Variants in ABCB5 observed in about 807,000 individuals in gnomAD.
ABCB5 encodes the protein ATP binding cassette subfamily B member 5.
Under a neutral mutation model 144.2 loss-of-function variants are expected in ABCB5, and 155 were observed. That is an observed-to-expected ratio of 1.08 (90% confidence interval 0.94 to 1.23). ABCB5 has a LOEUF of 1.23. ABCB5 is among the 50% of genes most tolerant of loss of function. ABCB5 has a pLI of 0.00. For synonymous variants in ABCB5, 610 were observed against 528.6 expected (o/e 1.15, Z -2.11); for missense variants, 1,830 against 1,520.8 (o/e 1.20, Z -3.38).
intron 12 of ABCB5, among the ~76,000 whole-genome samples, chr7:20,651,095 G>GT (rs1583394632): frequency 6.6e-6 from 1 of 152,110 alleles, no homozygotes; most frequent in African/African-American, 2.4e-5. Context: ...CAAAACTGAA[G>GT]TTTTTTGTAT....
At chr7:20,715,791 C>T (rs1396426157) in intron 20 of ABCB5, among the ~76,000 whole-genome samples, 2 of 150,650 alleles carry the variant, frequency 1.3e-5, no homozygotes, top group Non-Finnish European at 2.9e-5. Context: ...AGTATCTCAT[C>T]TCACTGCAAC....
intron 1 of ABCB5, among the ~76,000 whole-genome samples, chr7:20,619,856 T>C (rs1454497889): frequency 6.6e-6 from 1 of 152,240 alleles, no homozygotes; most frequent in African/African-American, 2.4e-5. Context: ...TTTTTATCTA[T>C]GGTGAAATGT....
intron 3 of ABCB5, among the ~76,000 whole-genome samples, chr7:20,628,365 T>C (rs1783955604): frequency 6.6e-6 from 1 of 152,168 alleles, no homozygotes; most frequent in Non-Finnish European, 1.5e-5. Context: ...TGCATAGTAG[T>C]CCATGGTGTA....
chr7:20,722,584 T>C (rs1347256858), intron 20 of ABCB5, among the ~76,000 whole-genome samples: 1 of 152,118 alleles, frequency 6.6e-6, no homozygotes, highest in African/African-American at 2.4e-5. Flanking sequence ...TTAGGGCATT[T>C]TGAGGCAGGC....
At chr7:20,670,304 T>G (rs1785420473) in intron 14 of ABCB5, among the ~76,000 whole-genome samples, 1 of 151,930 alleles carries the variant, frequency 6.6e-6, no homozygotes, top group Non-Finnish European at 1.5e-5. Flanking sequence ...ATGTAAGATG[T>G]TAGAACGCAG....
At chr7:20,696,279 C>T (rs1442289851) in intron 16 of ABCB5, among the ~76,000 whole-genome samples, 1 of 151,916 alleles carries the variant, frequency 6.6e-6, no homozygotes, top group African/African-American at 2.4e-5. Context: ...GGATAAATGG[C>T]AAAATAAGTA....
At chr7:20,747,515 T>C (rs1368561432) in intron 26 of ABCB5, among the ~76,000 whole-genome samples, 1 of 152,184 alleles carries the variant, frequency 6.6e-6, no homozygotes, top group Non-Finnish European at 1.5e-5. Flanking sequence ...CACCTCGGTC[T>C]CCCAAAGTTC....
chr7:20,727,701 T>C (rs1782080064), intron 22 of ABCB5, among the ~76,000 whole-genome samples: 1 of 152,118 alleles, frequency 6.6e-6, no homozygotes, highest in Non-Finnish European at 1.5e-5. Flanking sequence ...GCCATTACAC[T>C]CCAACTCCAG....
chr7:20,704,482 A>G (rs972722595), intron 19 of ABCB5, among the ~76,000 whole-genome samples: 11 of 152,204 alleles, frequency 7.2e-5, no homozygotes, highest in Non-Finnish European at 1.6e-4. Flanking sequence ...ATTGATTATT[A>G]TACTATATGT....
chr7:20,741,170 G>A (rs1368324264), intron 24 of ABCB5, among the ~76,000 whole-genome samples: 1 of 151,090 alleles, frequency 6.6e-6, no homozygotes, highest in African/African-American at 2.4e-5. Flanking sequence ...CCAGCTGGGT[G>A]ATAGGTATGT....
intron 16 of ABCB5, among the ~76,000 whole-genome samples, chr7:20,694,664 G>A (rs1267441840): frequency 6.6e-6 from 1 of 151,866 alleles, no homozygotes; most frequent in Admixed American, 6.6e-5. Flanking sequence ...ATTCACAGAT[G>A]GCATGATTAC....
intron 1 of ABCB5, among the ~76,000 whole-genome samples, chr7:20,617,919 C>G (rs1225757000): frequency 6.6e-6 from 1 of 152,044 alleles, no homozygotes; most frequent in Non-Finnish European, 1.5e-5. Context: ...GAAGATATAA[C>G]AACTATAAGC....
chr7:20,720,898 C>A (rs888962421), intron 20 of ABCB5, among the ~76,000 whole-genome samples: 20 of 136,978 alleles, frequency 1.5e-4, no homozygotes, highest in African/African-American at 5.5e-4. Context: ...GAGTCGAGAT[C>A]GCGCCACTGC....
At chr7:20,634,693 C>T (rs978276185) in intron 5 of ABCB5, among the ~76,000 whole-genome samples, 3 of 152,028 alleles carry the variant, frequency 2.0e-5, no homozygotes, top group Non-Finnish European at 4.4e-5. Context: ...ATTTGTATGG[C>T]TCCTTTTGAA....
chr7:20,677,099 A>C (rs1396432127), intron 14 of ABCB5, among the ~76,000 whole-genome samples: 1 of 152,232 alleles, frequency 6.6e-6, no homozygotes, highest in Non-Finnish European at 1.5e-5. Context: ...TTATTGAGAC[A>C]GTGTGGACTT....
At chr7:20,685,646 G>A in intron 15 of ABCB5, 50 bp from the exon 16 acceptor site, 3 of 1,493,262 alleles carry the variant, frequency 2.0e-6, no homozygotes, top group South Asian at 1.3e-5. Context: ...AAGTTTCCTT[G>A]AATTTTTAAG....
intron 26 of ABCB5, among the ~76,000 whole-genome samples, chr7:20,751,940 A>G (rs532125000): frequency 3.3e-5 from 5 of 152,344 alleles, no homozygotes; most frequent in Admixed American, 3.3e-4. Context: ...GTCCTTTGCT[A>G]CAAAGCATGC....
chr7:20,707,015 C>T lies in ABCB5; in HGVS notation c.2421+2208C>T, dbSNP rs189351921. On this transcript the variant is annotated intron_variant, in intron 20 of 27. Transcript: ENST00000404938. Reference sequence around the variant, plus strand: ...TTTCTATAAAAGGAAGAGTTGTTTACCAAACTTATTTGTCCACAAATGAAT... The same window carrying T: ...TTTCTATAAAAGGAAGAGTTGTTTATCAAACTTATTTGTCCACAAATGAAT... Among the ~76,000 whole-genome samples, 658 of 152,178 alleles carry T rather than the reference C, an allele frequency of 4.3e-3. 5 individuals are homozygous for T. The highest frequency in any genetic ancestry group is 0.015 in the African/African-American group (633 of 41,528).
chr7:20,710,055 ACT>A (rs1383107879), intron 20 of ABCB5, among the ~76,000 whole-genome samples: 2 of 142,632 alleles, frequency 1.4e-5, no homozygotes, highest in Admixed American at 1.4e-4. Flanking sequence ...ACAGAGCAAG[ACT>A]CTAAAAAAAA....
Sources: allele counts gnomAD v4.1 joint callset (sites outside exome capture counted in the v4.1 genomes callset), GRCh38; gene constraint gnomAD v4.1.1; transcripts MANE v1.5; gene names NCBI Gene and HGNC (gene_info 2026-07-23, HGNC 2026-07-21).